SLAMF1: variants seen among roughly 807,000 people sequenced by gnomAD.
The protein encoded by SLAMF1 is signaling lymphocytic activation molecule.
A neutral mutation model predicts 35.1 loss-of-function variants in SLAMF1; 18 were observed. The observed-to-expected ratio is 0.51, with a 90% confidence interval of 0.35 to 0.76. SLAMF1 has a LOEUF of 0.76. Among genes scored for constraint, SLAMF1 ranks in the 30% least tolerant of loss-of-function variants. The pLI is 0.01. For synonymous variants in SLAMF1, 168 were observed against 157.2 expected (o/e 1.07, Z -0.51); for missense variants, 392 against 413.0 (o/e 0.95, Z 0.44).
chr1:160,631,144 G>A (rs76267051), intron 3 of SLAMF1, among the ~76,000 whole-genome samples: 4,186 of 152,236 alleles, frequency 0.027, 186 homozygotes, highest in African/African-American at 0.095. Flanking sequence ...GTCAAACTAA[G>A]TGCAGTGTTT....
chr1:160,642,481 G>A lies in SLAMF1; in HGVS notation c.76+4389C>T, dbSNP rs1272590398. 6.6e-6 allele frequency among the ~76,000 whole-genome samples: 1 copy of A among 152,172 alleles called. No individual in the cohort carries two copies. Among genetic ancestry groups the A allele is most frequent in the Non-Finnish European group, 1.5e-5 (1 of 68,038 alleles). On this transcript the variant is annotated intron_variant, in intron 1 of 6. Coordinates refer to ENST00000302035, the MANE Select transcript of SLAMF1 (RefSeq NM_003037.5). This position sits in a 1 kb window ranked among gnomAD's most constrained non-coding sequence, Gnocchi z 4.2. ...CGTGTTCAACTCTGGTTCAATGCCT[G>A]TAATCCCCCACTCTTATAAGCTTCC... is the stretch of plus-strand genomic sequence containing the variant.
intron 4 of SLAMF1, 55 bp downstream of exon 4, chr1:160,624,041 T>C: frequency 7.9e-7 from 1 of 1,262,212 alleles, no homozygotes; most frequent in Non-Finnish European, 1.1e-6. Flanking sequence ...TGGAGAGAGG[T>C]CCCCTGCTTA....
At chr1:160,624,042 C>T in intron 4 of SLAMF1, 54 bp downstream of exon 4, 7 of 1,280,732 alleles carry the variant, frequency 5.5e-6, no homozygotes, top group South Asian at 2.5e-5. Flanking sequence ...GGAGAGAGGT[C>T]CCCTGCTTAC....
intron 5 of SLAMF1, chr1:160,615,724 G>A (rs1227355466): frequency 8.8e-6 from 3 of 341,338 alleles, no homozygotes; most frequent in East Asian, 1.2e-4. Flanking sequence ...TTCAAAATAA[G>A]GTCATCCTGG....
At position 160,634,008 on chromosome 1, in the gene SLAMF1, C is replaced by T. The variant is rs115320418; in HGVS notation, c.700+605G>A. ...AGCGCTGTGCAATTTATTATTTTTC[C>T]TCAAACTTCACAGTCCAGGTCTTAG... On this transcript the variant is annotated intron_variant, in intron 3 of 6. Transcript: ENST00000302035. Among the ~76,000 whole-genome samples the T allele has an allele frequency of 5.1e-3, 782 of 152,292 alleles. 3 individuals carry two copies. Among genetic ancestry groups the T allele is most frequent in the Non-Finnish European group, 8.2e-3 (559 of 68,014 alleles).
chr1:160,627,910 T>C (rs1029342789), intron 3 of SLAMF1, among the ~76,000 whole-genome samples: 5 of 152,168 alleles, frequency 3.3e-5, no homozygotes, highest in Non-Finnish European at 7.4e-5. Flanking sequence ...AATTGAATCA[T>C]GGGGTGGTTT....
intron 3 of SLAMF1, among the ~76,000 whole-genome samples, chr1:160,627,854 G>A (rs1272507443): frequency 2.0e-5 from 3 of 152,142 alleles, no homozygotes; most frequent in Non-Finnish European, 4.4e-5. Flanking sequence ...ATCTCACCTT[G>A]AATTGTAATA....
At chr1:160,628,563 T>C (rs1004368079) in intron 3 of SLAMF1, among the ~76,000 whole-genome samples, 1 of 152,240 alleles carries the variant, frequency 6.6e-6, no homozygotes, top group South Asian at 2.1e-4. Flanking sequence ...CCCACTTTGA[T>C]TGCAAATTCC....
chr1:160,629,170 C>T lies in SLAMF1; in HGVS notation c.701-4985G>A, dbSNP rs529810317. 2.6e-5 allele frequency among the ~76,000 whole-genome samples: 4 copies of T among 152,248 alleles called. No homozygotes were observed. The South Asian group carries it at 8.3e-4, about 32-fold the overall frequency. On this transcript the variant is annotated intron_variant, in intron 3 of 6. Coordinates refer to ENST00000302035, the MANE Select transcript of SLAMF1 (RefSeq NM_003037.5). ...GAAGAGTGCTTTGCTCGAGTCTCCACCCTGGGCCCTCTCCACCTATTGTCT... is the reference window on the plus strand; with the variant it reads ...GAAGAGTGCTTTGCTCGAGTCTCCATCCTGGGCCCTCTCCACCTATTGTCT...
intron 5 of SLAMF1, among the ~76,000 whole-genome samples, chr1:160,616,192 G>A (rs770079923): frequency 1.3e-5 from 2 of 152,088 alleles, no homozygotes; most frequent in East Asian, 1.9e-4. Flanking sequence ...CAACTTTACC[G>A]TGATGTGGGT....
chr1:160,620,242 A>C (rs1659537635), intron 4 of SLAMF1, among the ~76,000 whole-genome samples: 1 of 152,076 alleles, frequency 6.6e-6, no homozygotes, highest in Admixed American at 6.6e-5. Flanking sequence ...ATAGGATTCT[A>C]AGTTCTTTGA....
intron 5 of SLAMF1, among the ~76,000 whole-genome samples, chr1:160,614,370 T>C (rs1659172170): frequency 6.7e-6 from 1 of 149,896 alleles, no homozygotes; most frequent in East Asian, 1.9e-4. Flanking sequence ...GGTCAGGAGA[T>C]CGAGACCATC....
rs576630541 is a variant in SLAMF1 at position 160,642,980 on chromosome 1, G to C, written c.76+3890C>G. Among the ~76,000 whole-genome samples the C allele has an allele frequency of 3.3e-5, 5 of 152,216 alleles. No homozygotes were observed. The highest frequency in any genetic ancestry group is 3.3e-4 in the Admixed American group (5 of 15,288). ...AACTTTATCCCAAATGTGCACATGA[G>C]ATATACTGGATTAGAGTTAAATTTC... On this transcript the variant is annotated intron_variant, in intron 1 of 6. Transcript: ENST00000302035. The surrounding 1 kb of genome is among the most constrained non-coding windows in gnomAD (Gnocchi z 4.2).
At chr1:160,616,958 C>T (rs1659332669) in intron 5 of SLAMF1, among the ~76,000 whole-genome samples, 1 of 152,020 alleles carries the variant, frequency 6.6e-6, no homozygotes, top group Admixed American at 6.5e-5. Flanking sequence ...GAGTTCGAGA[C>T]CACCCTGGCC....
chr1:160,635,784 A>G (rs1042714943), intron 2 of SLAMF1, among the ~76,000 whole-genome samples: 1 of 150,244 alleles, frequency 6.7e-6, no homozygotes, highest in Middle Eastern at 3.4e-3. Flanking sequence ...TTTCACCACC[A>G]TAGCCAGGAT....
At chr1:160,612,424 T>G (rs533255655) in intron 6 of SLAMF1, 64 bp downstream of exon 6, 1 of 1,077,420 alleles carries the variant, frequency 9.3e-7, no homozygotes, top group Non-Finnish European at 1.4e-6. Context: ...AAAAAAAAAC[T>G]TCCTCATTTT....
chr1:160,618,129 A>G (rs1659408583), intron 5 of SLAMF1, among the ~76,000 whole-genome samples: 1 of 152,176 alleles, frequency 6.6e-6, no homozygotes, highest in African/African-American at 2.4e-5. Flanking sequence ...ATTTCTCCTC[A>G]TATAGATCTG....
At chr1:160,635,247 CT>C (rs1450837702) in intron 2 of SLAMF1, among the ~76,000 whole-genome samples, 1 of 152,180 alleles carries the variant, frequency 6.6e-6, no homozygotes, top group African/African-American at 2.4e-5. Flanking sequence ...TTTTAGTTGG[CT>C]TACGTTGTTA....
intron 5 of SLAMF1, among the ~76,000 whole-genome samples, chr1:160,618,397 A>C (rs1659426473): frequency 6.7e-6 from 1 of 148,630 alleles, no homozygotes; most frequent in Non-Finnish European, 1.5e-5. Context: ...TGTGTATGTG[A>C]GAGTGAGTGT....
Sources: allele counts gnomAD v4.1 joint callset (sites outside exome capture counted in the v4.1 genomes callset), GRCh38; gene constraint gnomAD v4.1.1; non-coding constraint Gnocchi (gnomAD v3.1); transcripts MANE v1.5; gene names NCBI Gene and HGNC (gene_info 2026-07-23, HGNC 2026-07-21).